Variants in ATP9A observed in about 807,000 individuals in gnomAD.
ATP9A encodes ATPase phospholipid transporting 9A.
In ATP9A, 52 loss-of-function variants were observed where a neutral mutation model predicts 144.1. That is an observed-to-expected ratio of 0.36 (90% CI 0.29 to 0.45). The LOEUF (loss-of-function observed/expected upper bound fraction) is 0.45, where lower values mean the gene tolerates loss of function less well. ATP9A is among the 20% of genes least tolerant of loss of function. The probability of loss-of-function intolerance (pLI) is 1.00; values close to 1 mark genes in which losing one functional copy is unlikely to be tolerated. For synonymous variants in ATP9A, 582 were observed against 557.4 expected (o/e 1.04, Z -0.62); for missense variants, 947 against 1,392.7 (o/e 0.68, Z 5.09).
intron 19 of ATP9A, among the ~76,000 whole-genome samples, chr20:51,621,819 C>T (rs897646010): frequency 2.0e-5 from 3 of 152,028 alleles, no homozygotes; most frequent in African/African-American, 7.2e-5. Context: ...AAAGGGACCA[C>T]GACCCCCAAA....
In ATP9A at chr20:51,600,018, G is replaced by C. The variant is rs992441320; in HGVS notation, c.*1193C>G. ...ACATGCCGGCATGTAGTCCATCCTGGGAGGGGAGAAATCTTCACCACTGGC... is the reference window on the plus strand; with the variant it reads ...ACATGCCGGCATGTAGTCCATCCTGCGAGGGGAGAAATCTTCACCACTGGC... On this transcript the variant is annotated 3_prime_UTR_variant, in exon 28 of 28. Transcript: ENST00000338821. 1 of 152,148 alleles carries C rather than the reference G, an allele frequency of 6.6e-6. No individual in the cohort carries two copies. Among genetic ancestry groups the C allele is most frequent in the East Asian group, 1.9e-4 (1 of 5,184 alleles). 9.4% of individuals were successfully genotyped at this position (152,148 alleles called of 1,614,324 possible). A position where few individuals can be genotyped will look rare whatever the true frequency, so the allele number is the denominator to read the frequency against.
chr20:51,685,020 A>AT (rs1568819639), intron 9 of ATP9A, among the ~76,000 whole-genome samples: 1 of 50,486 alleles, frequency 2.0e-5, no homozygotes, highest in Admixed American at 2.1e-4. Context: ...CCAAAAATAA[A>AT]AAAAAAAAAA....
At chr20:51,697,553 C>G (rs2077575832) in intron 4 of ATP9A, 71 bp from the exon 5 acceptor site, 2 of 1,445,076 alleles carry the variant, frequency 1.4e-6, no homozygotes, top group Admixed American at 3.5e-5. Context: ...TTACAGAGTG[C>G]CCAGCCTGCA....
intron 3 of ATP9A, among the ~76,000 whole-genome samples, chr20:51,713,820 T>C (rs1353841969): frequency 6.6e-6 from 1 of 152,218 alleles, no homozygotes; most frequent in African/African-American, 2.4e-5. Flanking sequence ...TTTCCTTAAC[T>C]ACAGGTTAGA....
chr20:51,644,345 T>A (rs1199853252), intron 14 of ATP9A, among the ~76,000 whole-genome samples: 1 of 141,754 alleles, frequency 7.1e-6, no homozygotes, highest in Non-Finnish European at 1.5e-5. Context: ...CGATCTCGGC[T>A]CACTGCAAAC....
chr20:51,604,450 A>C (rs2122704297), intron 27 of ATP9A, among the ~76,000 whole-genome samples: 1 of 152,336 alleles, frequency 6.6e-6, no homozygotes, highest in East Asian at 1.9e-4. Flanking sequence ...CAGCACTGCC[A>C]CTTTGCTATC....
At chr20:51,630,324 T>C (rs1466974469) in intron 15 of ATP9A, among the ~76,000 whole-genome samples, 2 of 152,182 alleles carry the variant, frequency 1.3e-5, no homozygotes, top group Non-Finnish European at 2.9e-5. Context: ...CATCAATACC[T>C]TGTGCCTAAA....
rs748710406 is a variant in ATP9A, at chr20:51,657,016, G to A, written c.1428C>T (p.Asn476=). 5 of 1,614,080 alleles carry A rather than the reference G, an allele frequency of 3.1e-6. No homozygotes were observed. The East Asian group carries it at 6.7e-5, about 22-fold the overall frequency. ...CGGCCTCAGCCTGATCAGTCACACC[G>A]TTGGACTCATACACGGGAGTCACGT... is the stretch of plus-strand genomic sequence containing the variant. ...CHNVTPVYES[N]GVTDQAEAEK... The change falls in exon 14 of 28, where the codon AAC becomes AAT. Residue 476 remains asparagine, a synonymous_variant. Transcript: ENST00000338821.
chr20:51,766,856 C>A (rs191535803), intron 1 of ATP9A, among the ~76,000 whole-genome samples: 183 of 151,930 alleles, frequency 1.2e-3, no homozygotes, highest in African/African-American at 4.1e-3. Context: ...AATAATAATA[C>A]TAATAATAAT....
At chr20:51,668,678 T>TG (rs2122784878) in intron 13 of ATP9A, among the ~76,000 whole-genome samples, 1 of 152,268 alleles carries the variant, frequency 6.6e-6, no homozygotes, top group African/African-American at 2.4e-5. Context: ...AGTACATCTT[T>TG]GAAAAAGGTC....
chr20:51,715,170 G>T (rs565229378), intron 3 of ATP9A, among the ~76,000 whole-genome samples: 2 of 152,128 alleles, frequency 1.3e-5, no homozygotes, highest in Non-Finnish European at 2.9e-5. Flanking sequence ...TATTAACTTC[G>T]ATTCAAAGGA....
intron 27 of ATP9A, among the ~76,000 whole-genome samples, chr20:51,604,474 T>C (rs774636980): frequency 1.1e-4 from 17 of 152,204 alleles, no homozygotes; most frequent in Admixed American, 1.3e-4. Context: ...AGTCCCCTTT[T>C]ATCAGTTTCA....
intron 15 of ATP9A, among the ~76,000 whole-genome samples, chr20:51,629,317 C>A (rs910419987): frequency 2.0e-5 from 3 of 152,164 alleles, no homozygotes; most frequent in Non-Finnish European, 2.9e-5. Context: ...GGATTTAAGA[C>A]CTTTGTTTTG....
intron 4 of ATP9A, 39 bp downstream of exon 4, chr20:51,712,927 T>G: frequency 1.3e-6 from 2 of 1,547,112 alleles, no homozygotes; most frequent in Non-Finnish European, 1.8e-6. Flanking sequence ...GGCCCGTGAT[T>G]GAGCTGCAAC....
In ATP9A at chr20:51,738,056, T is replaced by C. The variant is rs187874755; in HGVS notation, c.69-8078A>G. On this transcript the variant is annotated intron_variant, in intron 1 of 27. Coordinates refer to ENST00000338821, the MANE Select transcript of ATP9A (RefSeq NM_006045.3). ...TTTTTTTTTTTTTTTTGAGACAGAG[T>C]CTCTCTCTGTTGCCCAGGCTGGAGT... Among the ~76,000 whole-genome samples, 1,162 of 144,730 alleles carry C rather than the reference T, an allele frequency of 8.0e-3. 17 individuals are homozygous for C. The highest frequency in any genetic ancestry group is 0.028 in the African/African-American group (1,105 of 38,856). The allele number at this position is 144,730 out of a possible 152,430, so 94.9% of individuals were successfully genotyped here. A position where few individuals can be genotyped will look rare whatever the true frequency, so the allele number is the denominator to read the frequency against.
chr20:51,677,850 CA>C (rs2077483734), intron 9 of ATP9A, among the ~76,000 whole-genome samples: 1 of 152,070 alleles, frequency 6.6e-6, no homozygotes. Context: ...AGTAAATAAT[CA>C]AAAAATGCAA....
chr20:51,756,359 T>C (rs546056616), intron 1 of ATP9A, among the ~76,000 whole-genome samples: 58 of 151,960 alleles, frequency 3.8e-4, no homozygotes, highest in African/African-American at 1.3e-3. Context: ...GGCATGATCT[T>C]GGCTCACTGC....
chr20:51,720,450 T>C (rs1311688182), intron 3 of ATP9A, among the ~76,000 whole-genome samples: 1 of 152,224 alleles, frequency 6.6e-6, no homozygotes, highest in Non-Finnish European at 1.5e-5. Context: ...TGTACCTGAC[T>C]GGGCAGAGTA....
chr20:51,756,708 G>A (rs539742322), intron 1 of ATP9A, among the ~76,000 whole-genome samples: 1 of 152,278 alleles, frequency 6.6e-6, no homozygotes, highest in South Asian at 2.1e-4. Flanking sequence ...TCCAAATGCA[G>A]TCACATTCTG....
Sources: allele counts gnomAD v4.1 joint callset (sites outside exome capture counted in the v4.1 genomes callset), GRCh38; gene constraint gnomAD v4.1.1; transcripts MANE v1.5; gene names NCBI Gene and HGNC (gene_info 2026-07-23, HGNC 2026-07-21).